The following SUB1 variants were observed in gnomAD, a reference collection of about 807,000 sequenced individuals.
SUB1 encodes the protein SUB1 regulator of transcription.
A neutral mutation model predicts 16.9 loss-of-function variants in SUB1; 1 was observed. The observed-to-expected ratio is 0.06, with a 90% confidence interval of 0.02 to 0.28. The LOEUF (loss-of-function observed/expected upper bound fraction) is 0.28, where lower values mean the gene tolerates loss of function less well. SUB1 is among the 10% of genes least tolerant of loss of function. The pLI is 1.00. For synonymous variants in SUB1, 51 were observed against 46.9 expected (o/e 1.09, Z -0.36); for missense variants, 84 against 145.2 (o/e 0.58, Z 2.16).
chr5:32,585,823 C>T (rs1232704747), intron 1 of SUB1, 198 bp downstream of exon 1: 1 of 152,460 alleles, frequency 6.6e-6, no homozygotes, highest in Non-Finnish European at 1.5e-5. Flanking sequence ...GCTGTGGGCC[C>T]TTCCGCGGTA....
intron 2 of SUB1, among the ~76,000 whole-genome samples, chr5:32,590,496 T>G (rs1012837616): frequency 6.8e-6 from 1 of 147,250 alleles, no homozygotes; most frequent in Non-Finnish European, 1.5e-5. Context: ...CTACAATGAT[T>G]TTTTTTTTTT....
rs1334467037 is a variant in SUB1, at chr5:32,601,656, C to CAGTG, written c.*574_*577dup. 1 of 152,704 alleles carries CAGTG rather than the reference C, an allele frequency of 6.5e-6. No homozygotes were observed. Among genetic ancestry groups the CAGTG allele is most frequent in the African/African-American group, 2.4e-5 (1 of 41,432 alleles). 9.5% of individuals were successfully genotyped at this position (152,704 alleles called of 1,614,324 possible). A position where few individuals can be genotyped will look rare whatever the true frequency, so the allele number is the denominator to read the frequency against. ...ATTATGGTATGCTTATTTGGAAAGT[C>CAGTG]AGTGAAACTGTCAAAATGTTATCTC... On this transcript the variant is annotated 3_prime_UTR_variant, in exon 5 of 5. Transcript: ENST00000265073.
At position 32,602,864 on chromosome 5, in the gene SUB1, T is replaced by A. The variant is rs952313656; in HGVS notation, c.*1780T>A. ...ATGCTTGATTGGTAACTTCCCTCCT[T>A]TTTTGGGGAACATGTTTGTGTCCTA... On this transcript the variant is annotated 3_prime_UTR_variant, in exon 5 of 5. Transcript: ENST00000265073. The A allele has an allele frequency of 6.6e-6, 1 of 152,108 alleles. No homozygotes were observed. Among genetic ancestry groups the A allele is most frequent in the African/African-American group, 2.4e-5 (1 of 41,422 alleles). The allele number at this position is 152,108 out of a possible 1,614,324, so 9.4% of individuals were successfully genotyped here. A position where few individuals can be genotyped will look rare whatever the true frequency, so the allele number is the denominator to read the frequency against.
chr5:32,602,117 C>A lies in SUB1; in HGVS notation c.*1033C>A. On this transcript the variant is annotated 3_prime_UTR_variant, in exon 5 of 5. Transcript: ENST00000265073. ...TTGGCCTTTGCCCCAGTAGAACAGA[C>A]CAATGGCATTCTAGACTTGATGATA... 2.4e-6 allele frequency: 1 copy of A among 423,460 alleles called. No individual in the cohort carries two copies. The highest frequency in any genetic ancestry group is 4.7e-6 in the Non-Finnish European group (1 of 212,592). 26.2% of individuals were successfully genotyped at this position (423,460 alleles called of 1,614,324 possible).
chr5:32,593,738 G>T (rs536424232), intron 3 of SUB1, among the ~76,000 whole-genome samples: 1 of 152,064 alleles, frequency 6.6e-6, no homozygotes, highest in Non-Finnish European at 1.5e-5. Flanking sequence ...CTGTCACCAG[G>T]CTGGAGTGCA....
chr5:32,599,556 C>CA (rs1739066097), intron 4 of SUB1, among the ~76,000 whole-genome samples: 2 of 152,238 alleles, frequency 1.3e-5, no homozygotes, highest in Non-Finnish European at 2.9e-5. Context: ...ATTCACCAAA[C>CA]AGCTAGAGAA....
At chr5:32,594,570 G>A in intron 3 of SUB1, 1 of 451,764 alleles carries the variant, frequency 2.2e-6, no homozygotes, top group Non-Finnish European at 4.5e-6. Context: ...TGTGTTTGAA[G>A]GAATTATTCA....
chr5:32,599,017 T>C lies in SUB1; in HGVS notation c.252T>C (p.Asp84=). 6.2e-7 allele frequency: 1 copy of C among 1,613,750 alleles called. No individual in the cohort carries two copies. The highest frequency in any genetic ancestry group is 8.5e-7 in the Non-Finnish European group (1 of 1,179,840). The change falls in exon 4 of 5, where the codon GAT becomes GAC. Residue 84 remains aspartate (D), a synonymous_variant. Coordinates refer to ENST00000265073, the MANE Select transcript of SUB1 (RefSeq NM_006713.4). The part of the protein sequence containing the change: ...VRDFKGKVLI[D]IREYWMDPEG... Reference sequence around the variant, plus strand: ...ATTTTAAAGGCAAAGTGCTAATTGATATTAGAGAATATTGGATGGATCCTG... The same window carrying C: ...ATTTTAAAGGCAAAGTGCTAATTGACATTAGAGAATATTGGATGGATCCTG...
At chr5:32,594,096 A>G in intron 3 of SUB1, among the ~76,000 whole-genome samples, 1 of 152,236 alleles carries the variant, frequency 6.6e-6, no homozygotes, top group Non-Finnish European at 1.5e-5. Context: ...TACATCAAAC[A>G]TCAATACATA....
rs1433259893 is a variant in SUB1 at position 32,593,034 on chromosome 5, CAG to C, written c.195+1350_195+1351del. Among the ~76,000 whole-genome samples the C allele has an allele frequency of 4.6e-5, 7 of 151,826 alleles. No homozygotes were observed. In the South Asian group the frequency reaches 1.5e-3, roughly 32 times the overall value. The stretch of plus-strand genomic sequence containing the variant: ...CGAGACTACAATTTTTTTTTTGAGA[CAG>C]GGTCTCTGCTCTGTCACCCAGGCTG... On this transcript the variant is annotated intron_variant, in intron 3 of 4. Transcript: ENST00000265073.
At chr5:32,591,470 T>G in intron 2 of SUB1, 93 bp from the exon 3 acceptor site, 2 of 1,433,174 alleles carry the variant, frequency 1.4e-6, no homozygotes, top group Non-Finnish European at 1.8e-6. Context: ...TGTAGTCTTT[T>G]GATTGTTTAA....
chr5:32,588,366 G>C, intron 1 of SUB1, 146 bp from the exon 2 acceptor site: 1 of 654,996 alleles, frequency 1.5e-6, no homozygotes, highest in Admixed American at 3.0e-5. Flanking sequence ...ATTAAAACTT[G>C]TGCTCAGTGT....
chr5:32,591,927 T>A (rs1446839367), intron 3 of SUB1, among the ~76,000 whole-genome samples: 5 of 152,158 alleles, frequency 3.3e-5, no homozygotes, highest in African/African-American at 1.2e-4. Context: ...CTTGAACTCC[T>A]GACCTTGTGA....
intron 4 of SUB1, 54 bp downstream of exon 4, chr5:32,599,123 T>C (rs1231585264): frequency 3.0e-6 from 4 of 1,311,956 alleles, no homozygotes; most frequent in Non-Finnish European, 4.4e-6. Flanking sequence ...ACGACAACTT[T>C]TCTGAGTAGC....
intron 3 of SUB1, among the ~76,000 whole-genome samples, chr5:32,592,444 C>G (rs1738852324): frequency 6.6e-6 from 1 of 152,232 alleles, no homozygotes; most frequent in African/African-American, 2.4e-5. Flanking sequence ...ATAGCTTTTT[C>G]TCTTGGGTTT....
chr5:32,592,192 G>A (rs1738845236), intron 3 of SUB1, among the ~76,000 whole-genome samples: 2 of 152,214 alleles, frequency 1.3e-5, no homozygotes, highest in African/African-American at 4.8e-5. Flanking sequence ...CTAAAGTCTA[G>A]TTTTGCTGTA....
intron 1 of SUB1, among the ~76,000 whole-genome samples, chr5:32,588,130 T>TA (rs1222755770): frequency 6.6e-6 from 1 of 152,330 alleles, no homozygotes; most frequent in East Asian, 1.9e-4. Context: ...TCTAAAGCAG[T>TA]AATAGTAGAA....
intron 3 of SUB1, among the ~76,000 whole-genome samples, chr5:32,592,593 G>C (rs1738856166): frequency 6.6e-6 from 1 of 152,136 alleles, no homozygotes; most frequent in Non-Finnish European, 1.5e-5. Flanking sequence ...GAGGTGATAA[G>C]GGCTTAGATG....
chr5:32,588,395 A>G (rs888523468), intron 1 of SUB1, 117 bp from the exon 2 acceptor site: 7 of 906,018 alleles, frequency 7.7e-6, no homozygotes, highest in Non-Finnish European at 1.2e-5. Context: ...AGTACCACAA[A>G]AATGGTAGAA....
Sources: allele counts gnomAD v4.1 joint callset (sites outside exome capture counted in the v4.1 genomes callset), GRCh38; gene constraint gnomAD v4.1.1; transcripts MANE v1.5; gene names NCBI Gene and HGNC (gene_info 2026-07-23, HGNC 2026-07-21).